TBC1D19: variants seen among roughly 807,000 people sequenced by gnomAD.
TBC1D19 encodes TBC1 domain family member 19.
TBC1D19 carries 60 observed loss-of-function variants against 89.0 expected under a neutral mutation model. That is an observed-to-expected ratio of 0.67 (90% CI 0.55 to 0.84). The LOEUF is 0.84. TBC1D19 is among the 40% of genes least tolerant of loss of function. TBC1D19 has a pLI of 0.00. For missense variants in TBC1D19, 500 were observed against 610.8 expected (o/e 0.82, Z 1.91); for synonymous variants, 189 against 199.7 (o/e 0.95, Z 0.45).
At chr4:26,626,685 C>T (rs1043020599) in intron 4 of TBC1D19, among the ~76,000 whole-genome samples, 5 of 151,974 alleles carry the variant, frequency 3.3e-5, no homozygotes, top group Non-Finnish European at 5.9e-5. Flanking sequence ...AATCCAGTAA[C>T]CTTGGCAAAA....
chr4:26,680,816 C>T (rs928304958), intron 11 of TBC1D19, among the ~76,000 whole-genome samples: 1 of 152,122 alleles, frequency 6.6e-6, no homozygotes, highest in South Asian at 2.1e-4. Flanking sequence ...TTCTTTCTCT[C>T]GTTTTTCTTT....
At chr4:26,598,311 GC>G (rs1480946121) in intron 1 of TBC1D19, among the ~76,000 whole-genome samples, 3 of 152,170 alleles carry the variant, frequency 2.0e-5, no homozygotes, top group African/African-American at 7.2e-5. Flanking sequence ...TCAGGATCCG[GC>G]AGTACCTTGT....
At position 26,640,318 on chromosome 4, in the gene TBC1D19, A is replaced by C. The variant is rs1176852138; in HGVS notation, c.480+131A>C. 1.5e-5 allele frequency: 10 copies of C among 687,022 alleles called. No individual in the cohort carries two copies. In the East Asian group the frequency reaches 2.7e-4, roughly 19 times the overall value. 42.6% of individuals were successfully genotyped at this position (687,022 alleles called of 1,614,324 possible). On this transcript the variant is annotated intron_variant, in intron 7 of 20. Coordinates refer to ENST00000264866, the MANE Select transcript of TBC1D19 (RefSeq NM_018317.4). ...AGAGTCACTGAAGCAGTAGAATGAC[A>C]TGATCAGATCTGTGTTTGAAAATTA...
chr4:26,665,119 G>T (rs1008017939), intron 8 of TBC1D19, among the ~76,000 whole-genome samples: 2 of 152,078 alleles, frequency 1.3e-5, no homozygotes, highest in Admixed American at 1.3e-4. Context: ...ATTAACATCA[G>T]AACATGGGCT....
At chr4:26,796,367 G>C in the TBC1D19 span, among the ~76,000 whole-genome samples, 1 of 152,190 alleles carries the variant, frequency 6.6e-6, no homozygotes, top group East Asian at 1.9e-4. Context: ...TTGGATTGCT[G>C]CTGATATAAG....
At chr4:26,758,341 G>A (rs1208867914), downstream of TBC1D19, among the ~76,000 whole-genome samples, 1 of 152,042 alleles carries the variant, frequency 6.6e-6, no homozygotes, top group Non-Finnish European at 1.5e-5. Context: ...GAAATTGTTG[G>A]GATCTGTTTT....
At chr4:26,720,642 GT>G (rs1456380592) in intron 15 of TBC1D19, among the ~76,000 whole-genome samples, 6 of 152,018 alleles carry the variant, frequency 3.9e-5, no homozygotes, top group Non-Finnish European at 4.4e-5. Flanking sequence ...AACTAGACAG[GT>G]TTTAAGATAT....
chr4:26,773,967 C>T, the TBC1D19 span, among the ~76,000 whole-genome samples: 2 of 152,306 alleles, frequency 1.3e-5, no homozygotes, highest in African/African-American at 4.8e-5. Flanking sequence ...CCTCAGGTGC[C>T]TCTGCTAAGA....
chr4:26,814,148 A>C, the TBC1D19 span, among the ~76,000 whole-genome samples: 1 of 152,050 alleles, frequency 6.6e-6, no homozygotes, highest in Non-Finnish European at 1.5e-5. Context: ...ACATCCAATA[A>C]CAGATACATT....
intron 4 of TBC1D19, among the ~76,000 whole-genome samples, chr4:26,630,426 C>T (rs1203906490): frequency 2.0e-5 from 3 of 151,948 alleles, no homozygotes; most frequent in African/African-American, 4.8e-5. Context: ...TGGGTAGAAA[C>T]CATCTATTTA....
At position 26,666,842 on chromosome 4, in the gene TBC1D19, A is replaced by G. The variant is rs58117022; in HGVS notation, c.664+437A>G. The stretch of plus-strand genomic sequence containing the variant: ...CTAACTTTTCCCTTTTTGTGCATAA[A>G]TTCAATATACTTTTTATTAAATACT... On this transcript the variant is annotated intron_variant, in intron 9 of 20. Coordinates refer to ENST00000264866, the MANE Select transcript of TBC1D19 (RefSeq NM_018317.4). 1.8e-3 allele frequency among the ~76,000 whole-genome samples: 280 copies of G among 152,096 alleles called. 2 individuals are homozygous for G. Among genetic ancestry groups the G allele is most frequent in the African/African-American group, 6.4e-3 (265 of 41,528 alleles).
intron 15 of TBC1D19, among the ~76,000 whole-genome samples, chr4:26,728,123 C>A (rs1717423630): frequency 1.3e-5 from 2 of 152,200 alleles, no homozygotes; most frequent in South Asian, 4.1e-4. Context: ...TATTCTTACA[C>A]TTAGCAGATC....
rs996663100 is a variant in TBC1D19 at position 26,584,128 on chromosome 4, C to T, written c.-66C>T. Reference sequence around the variant, plus strand: ...GAAGTGTCACTGGCCCTGAGTGGGACCCGGTAGCCCGTTCGCTCCGCGCCG... The same window carrying T: ...GAAGTGTCACTGGCCCTGAGTGGGATCCGGTAGCCCGTTCGCTCCGCGCCG... On this transcript the variant is annotated 5_prime_UTR_variant, in exon 1 of 21. Transcript: ENST00000264866. 40 of 1,518,660 alleles carry T rather than the reference C, an allele frequency of 2.6e-5. No homozygotes were observed. In the African/African-American group the frequency reaches 5.0e-4, roughly 19 times the overall value. 94.1% of individuals were successfully genotyped at this position (1,518,660 alleles called of 1,614,324 possible).
chr4:26,780,021 A>G, the TBC1D19 span, among the ~76,000 whole-genome samples: 1 of 152,170 alleles, frequency 6.6e-6, no homozygotes, highest in African/African-American at 2.4e-5. Context: ...GGGCTAAGGA[A>G]TCCTCAACAG....
rs1036909023 is a variant in TBC1D19 at position 26,689,968 on chromosome 4, C to T, written c.954+1561C>T. On this transcript the variant is annotated intron_variant, in intron 13 of 20. Transcript: ENST00000264866. ...AAGCCAAGATAAGCCAAAAGCTAGG[C>T]CTCTTGCACCAAACAGCCAAGTTGT... 4.6e-5 allele frequency among the ~76,000 whole-genome samples: 7 copies of T among 152,280 alleles called. No homozygotes were observed. In the East Asian group the frequency reaches 1.2e-3, roughly 25 times the overall value.
At chr4:26,809,898 A>T in the TBC1D19 span, among the ~76,000 whole-genome samples, 1 of 152,220 alleles carries the variant, frequency 6.6e-6, no homozygotes, top group African/African-American at 2.4e-5. Context: ...TTTCCACATT[A>T]TTCCATCTGA....
intron 1 of TBC1D19, among the ~76,000 whole-genome samples, chr4:26,589,794 T>A (rs920534586): frequency 6.6e-6 from 1 of 152,224 alleles, no homozygotes; most frequent in African/African-American, 2.4e-5. Context: ...GTCTTCAGAA[T>A]GGGAGGGTTT....
chr4:26,781,050 C>G, the TBC1D19 span, among the ~76,000 whole-genome samples: 1 of 152,126 alleles, frequency 6.6e-6, no homozygotes, highest in Admixed American at 6.5e-5. Flanking sequence ...TTCTTGCTCT[C>G]ACTTACTATT....
intron 1 of TBC1D19, among the ~76,000 whole-genome samples, chr4:26,592,186 T>C (rs1418003885): frequency 1.3e-5 from 2 of 152,136 alleles, no homozygotes; most frequent in African/African-American, 4.8e-5. Flanking sequence ...GTTCAACATA[T>C]GCAAATCAAT....
Sources: allele counts gnomAD v4.1 joint callset (sites outside exome capture counted in the v4.1 genomes callset), GRCh38; gene constraint gnomAD v4.1.1; transcripts MANE v1.5; gene names NCBI Gene and HGNC (gene_info 2026-07-23, HGNC 2026-07-21).